The following STEAP1B variants were observed in gnomAD, a reference collection of about 807,000 sequenced individuals.
STEAP1B encodes STEAP family member 1B.
Under a neutral mutation model 27.9 loss-of-function variants are expected in STEAP1B, and 13 were observed. That is an observed-to-expected ratio of 0.47 (90% CI 0.30 to 0.74). STEAP1B has a LOEUF of 0.74. STEAP1B is among the 30% of genes least tolerant of loss of function. The pLI, the probability that STEAP1B is intolerant of heterozygous loss-of-function variation, is 0.06. For missense variants in STEAP1B, 250 were observed against 298.7 expected, an observed-to-expected ratio of 0.84 and a Z score of 1.20; for synonymous variants, 86 against 107.1, an observed-to-expected ratio of 0.80 and a Z score of 1.22.
intron 4 of STEAP1B, among the ~76,000 whole-genome samples, chr7:22,444,722 T>C (rs1171606764): frequency 6.6e-6 from 1 of 152,218 alleles, no homozygotes; most frequent in Admixed American, 6.5e-5. Context: ...AGTTAGGAAG[T>C]GAAACCCTTT....
chr7:22,498,369 A>G (rs540349244), intron 1 of STEAP1B, among the ~76,000 whole-genome samples: 1 of 152,200 alleles, frequency 6.6e-6, no homozygotes, highest in East Asian at 1.9e-4. Flanking sequence ...TCCAAACCAT[A>G]TCACCAACTT....
At chr7:22,447,284 C>T (rs3114712) in intron 4 of STEAP1B, among the ~76,000 whole-genome samples, 59,986 of 151,984 alleles carry the variant, frequency 0.39, 11,917 homozygotes, top group Middle Eastern at 0.48. Flanking sequence ...AAATGCCAGG[C>T]CAACTTCCAA....
rs181676327 is a variant in STEAP1B, at chr7:22,419,633, G to T, written c.*171C>A. The T allele has an allele frequency of 4.3e-4, 250 of 586,164 alleles. 1 individual carries two copies. The highest frequency in any genetic ancestry group is 4.2e-3 in the Middle Eastern group (13 of 3,068). 36.3% of individuals were successfully genotyped at this position (586,164 alleles called of 1,614,324 possible). ...TTGCTCTCTCATGAGTCCGCTGGGG[G>T]ATCCACTCATCTGCCCTGCCGGATC... On this transcript the variant is annotated 3_prime_UTR_variant, in exon 5 of 5. Transcript: ENST00000678116.
At chr7:22,437,654 C>T (rs1394604638) in intron 4 of STEAP1B, among the ~76,000 whole-genome samples, 1 of 152,180 alleles carries the variant, frequency 6.6e-6, no homozygotes, top group African/African-American at 2.4e-5. Flanking sequence ...GACAGTCCTG[C>T]TTTTTAAATC....
chr7:22,477,427 T>C lies in STEAP1B; in HGVS notation c.762+15138A>G, dbSNP rs542683031. 4.9e-4 allele frequency among the ~76,000 whole-genome samples: 75 copies of C among 152,238 alleles called. No individual in the cohort carries two copies. The South Asian group carries it at 5.2e-3, about 11-fold the overall frequency. Reference sequence around the variant, plus strand: ...GGTGACATCCAGCCTGACAAATACATATTATCTAACCACTGAGGAAACAGA... The same window carrying C: ...GGTGACATCCAGCCTGACAAATACACATTATCTAACCACTGAGGAAACAGA... On this transcript the variant is annotated intron_variant, in intron 4 of 4. Coordinates refer to ENST00000678116, the MANE Select transcript of STEAP1B (RefSeq NM_001382447.1).
chr7:22,438,290 G>C (rs1345408800), intron 4 of STEAP1B: 4 of 587,618 alleles, frequency 6.8e-6, no homozygotes, highest in Non-Finnish European at 8.7e-6. Flanking sequence ...TCCAGTATAT[G>C]CTTGGTGTCC....
intron 4 of STEAP1B, among the ~76,000 whole-genome samples, chr7:22,430,313 A>C (rs988964299): frequency 1.3e-5 from 2 of 152,300 alleles, no homozygotes; most frequent in Non-Finnish European, 1.5e-5. Context: ...GGGCACATAA[A>C]CTGCTTGCAT....
intron 4 of STEAP1B, among the ~76,000 whole-genome samples, chr7:22,436,529 G>T (rs1757188466): frequency 1.3e-5 from 2 of 148,806 alleles, no homozygotes; most frequent in Non-Finnish European, 3.0e-5. Context: ...ATTTTTCCTG[G>T]TCCTCTTCCT....
At chr7:22,456,972 A>ATTTTTTTT (rs3064738) in intron 4 of STEAP1B, among the ~76,000 whole-genome samples, 1 of 57,074 alleles carries the variant, frequency 1.8e-5, no homozygotes, top group South Asian at 1.0e-3. Context: ...ATATATATAT[A>ATTTTTTTT]TTTTTTTTTT....
chr7:22,479,977 C>T lies in STEAP1B; in HGVS notation c.762+12588G>A, dbSNP rs377293020. Among the ~76,000 whole-genome samples the T allele has an allele frequency of 3.9e-5, 6 of 152,314 alleles. No homozygotes were observed. In the South Asian group the frequency reaches 6.2e-4, roughly 16 times the overall value. ...AATTTAAAGATTCTCTCCTCACCCA[C>T]ACAAGCCACTTTTCCAGTGCTCAGG... is the stretch of plus-strand genomic sequence containing the variant. On this transcript the variant is annotated intron_variant, in intron 4 of 4. Coordinates refer to ENST00000678116, the MANE Select transcript of STEAP1B (RefSeq NM_001382447.1).
rs752869006 is a variant in STEAP1B at position 22,494,825 on chromosome 7, CT to C, written c.30del (p.Glu11LysfsTer6). 5.0e-6 allele frequency: 8 copies of C among 1,590,184 alleles called. No homozygotes were observed. Among genetic ancestry groups the C allele is most frequent in the South Asian group, 1.2e-5 (1 of 86,266 alleles). MESRKDITN[Q>X]EEIWKMKPRR... is the part of the protein sequence containing the mutation. ...CTAGGCTTCATTTTCCAAATTTCTT[CT>C]TGGTTTGTGATGTCTTTTCTGCTTT... is the stretch of plus-strand genomic sequence containing the variant. On this transcript the variant is annotated frameshift_variant, in exon 2 of 5. Coordinates refer to ENST00000678116, the MANE Select transcript of STEAP1B (RefSeq NM_001382447.1). LOFTEE classifies it high-confidence loss of function.
chr7:22,489,351 T>C (rs776172364), intron 4 of STEAP1B, among the ~76,000 whole-genome samples: 1 of 152,084 alleles, frequency 6.6e-6, no homozygotes, highest in Non-Finnish European at 1.5e-5. Flanking sequence ...CCCTTAGCAA[T>C]AGAAAAAGGT....
chr7:22,430,646 G>A (rs566599654), intron 4 of STEAP1B, among the ~76,000 whole-genome samples: 8 of 152,176 alleles, frequency 5.3e-5, no homozygotes, highest in Admixed American at 4.6e-4. Context: ...AGTCATGATG[G>A]CTAATGCTGA....
chr7:22,442,477 G>T (rs768641056), intron 4 of STEAP1B, among the ~76,000 whole-genome samples: 1 of 152,272 alleles, frequency 6.6e-6, no homozygotes, highest in Non-Finnish European at 1.5e-5. Flanking sequence ...CTGACGGCAG[G>T]CCTGGCCTGC....
At chr7:22,467,963 G>A (rs1785815454) in intron 4 of STEAP1B, among the ~76,000 whole-genome samples, 1 of 152,130 alleles carries the variant, frequency 6.6e-6, no homozygotes, top group African/African-American at 2.4e-5. Context: ...GAGGTGGAGG[G>A]AGCCCCAGAA....
intron 4 of STEAP1B, among the ~76,000 whole-genome samples, chr7:22,467,751 G>A (rs550558969): frequency 3.3e-5 from 5 of 152,170 alleles, no homozygotes; most frequent in South Asian, 2.1e-4. Context: ...GTGGAACTGT[G>A]AGTCTATTAA....
chr7:22,496,394 G>A (rs565360236), intron 1 of STEAP1B, among the ~76,000 whole-genome samples: 25 of 152,138 alleles, frequency 1.6e-4, no homozygotes, highest in African/African-American at 5.8e-4. Context: ...ATGTAGGGTA[G>A]CCTTAGTGTA....
chr7:22,454,917 C>A (rs1785554697), intron 4 of STEAP1B, among the ~76,000 whole-genome samples: 1 of 125,840 alleles, frequency 7.9e-6, no homozygotes, highest in African/African-American at 3.0e-5. Context: ...GGCTGGAGTG[C>A]ACTGGTGCAA....
At chr7:22,454,849 G>GTGTA (rs1562572859) in intron 4 of STEAP1B, among the ~76,000 whole-genome samples, 1 of 100,900 alleles carries the variant, frequency 9.9e-6, no homozygotes, top group Non-Finnish European at 2.0e-5. Flanking sequence ...ATATATATAT[G>GTGTA]TATATATATA....
Sources: gnomAD v4.1 joint callset for allele counts (sites outside exome capture counted in the v4.1 genomes callset) on GRCh38, gnomAD v4.1.1 for gene constraint, MANE v1.5 for transcripts, NCBI Gene and HGNC (gene_info 2026-07-23, HGNC 2026-07-21) for gene names.